MID1: variants seen among roughly 807,000 people sequenced by gnomAD.
MID1 encodes the protein midline 1, also known as E3 ubiquitin-protein ligase Midline-1.
A neutral mutation model predicts 40.4 loss-of-function variants in MID1; 7 were observed. The ratio of observed to expected loss-of-function variants is 0.17; its 90% CI spans 0.10 to 0.33. The LOEUF is 0.33. MID1 is among the 10% of genes least tolerant of loss of function. The probability of loss-of-function intolerance (pLI) is 1.00; values close to 1 mark genes in which losing one functional copy is unlikely to be tolerated. For missense variants in MID1, 367 were observed against 558.5 expected (o/e 0.66, Z 3.46); for synonymous variants, 229 against 221.2 (o/e 1.04, Z -0.31).
intron 3 of MID1, among the ~76,000 whole-genome samples, chrX:10,518,479 T>C (rs1400411730): frequency 1.8e-5 from 2 of 111,077 alleles, no homozygotes; most frequent in African/African-American, 3.3e-5. Context: ...TTCCCCCTAC[T>C]ACCCCCTTCC....
intron 7 of MID1, among the ~76,000 whole-genome samples, chrX:10,467,966 C>T (rs906254559): frequency 5.4e-5 from 6 of 111,369 alleles, no homozygotes; most frequent in Non-Finnish European, 1.1e-4. Context: ...CATAGCTGTC[C>T]GGTACAGCCT....
At chrX:10,543,379 T>C (rs1429404408) in intron 2 of MID1, among the ~76,000 whole-genome samples, 2 of 112,005 alleles carry the variant, frequency 1.8e-5, no homozygotes, top group Non-Finnish European at 3.8e-5. Context: ...ATAGTAACAA[T>C]GAGAATAGCA....
intron 1 of MID1, among the ~76,000 whole-genome samples, chrX:10,573,118 A>C (rs1934783439): frequency 8.9e-6 from 1 of 112,529 alleles, no homozygotes; most frequent in Admixed American, 9.4e-5. Flanking sequence ...TTATAGATTC[A>C]AGACTTATGA....
chrX:10,534,556 T>G (rs1933168527), intron 2 of MID1, among the ~76,000 whole-genome samples: 1 of 111,912 alleles, frequency 8.9e-6, no homozygotes, highest in Non-Finnish European at 1.9e-5. Flanking sequence ...CTTCTGAATT[T>G]TTTAGGTTTT....
chrX:10,765,947 GAAAGAAAGAAA>G (rs1478504751), intron 1 of MID1, among the ~76,000 whole-genome samples: 96 of 11,672 alleles, frequency 8.2e-3, no homozygotes, highest in Non-Finnish European at 0.021. Context: ...GGAAAGGAAA[GAAAGAAAGAAA>G]GAAAGAAAGA....
chrX:10,477,140 G>A (rs2070349527), intron 5 of MID1, among the ~76,000 whole-genome samples: 2 of 112,404 alleles, frequency 1.8e-5, no homozygotes, highest in African/African-American at 6.5e-5. Flanking sequence ...ATGTCTGGCA[G>A]GGAGAACTGT....
At chrX:10,635,023 A>G (rs142974598) in intron 1 of MID1, among the ~76,000 whole-genome samples, 2 of 112,510 alleles carry the variant, frequency 1.8e-5, no homozygotes, top group African/African-American at 6.5e-5. Flanking sequence ...CAGGAAGTCG[A>G]CTGTCAGGCA....
At chrX:10,809,455 G>A (rs1463236599) in intron 1 of MID1, among the ~76,000 whole-genome samples, 2 of 111,628 alleles carry the variant, frequency 1.8e-5, no homozygotes, top group East Asian at 2.8e-4. Flanking sequence ...TATAAATCAT[G>A]CTGCTATAAA....
chrX:10,825,992 G>GGGAA lies in MID1; in HGVS notation c.-187+7558_-187+7561dup, dbSNP rs2044213816. 4.5e-5 allele frequency among the ~76,000 whole-genome samples: 5 copies of GGGAA among 111,104 alleles called. No homozygotes were observed. In the South Asian group the frequency reaches 1.9e-3, roughly 43 times the overall value. On this transcript the variant is annotated intron_variant, in intron 1 of 10. Coordinates refer to the MID1 transcript ENST00000380785. ...GTTTATGACCTAATTTTTAAAGATG[G>GGGAA]GGAAGATGAGATTCAGAGAAACTTA...
chrX:10,567,271 C>T lies in MID1; in HGVS notation c.277G>A (p.Gly93Arg), dbSNP rs747187740. ...CGGGTCTCGCTGGGAGAGTTGGGCC[C>T]GCTCACTGATGCTTTCTGGAACCTG... ...IDRFQKASVS[G>R]PNSPSETRRE... The change falls in exon 2 of 10, where the codon GGG becomes AGG. Residue 93 changes from glycine (G) to arginine (R), a missense_variant. Gly to Arg is a moderately radical substitution (Grantham distance 125, BLOSUM62 -2). Transcript: ENST00000317552. 30 of 1,202,364 alleles carry T rather than the reference C, an allele frequency of 2.5e-5. No homozygotes were observed. Among genetic ancestry groups the T allele is most frequent in the East Asian group, 1.5e-4 (5 of 33,630 alleles).
At chrX:10,476,334 A>G (rs1232998502) in intron 5 of MID1, among the ~76,000 whole-genome samples, 1 of 110,594 alleles carries the variant, frequency 9.0e-6, no homozygotes, top group Non-Finnish European at 1.9e-5. Flanking sequence ...CCTAAATGCC[A>G]CTGAATCGTG....
intron 1 of MID1, among the ~76,000 whole-genome samples, chrX:10,569,960 T>C (rs1934675241): frequency 8.9e-6 from 1 of 111,989 alleles, no homozygotes; most frequent in African/African-American, 3.3e-5. Flanking sequence ...TCTTGGCTTC[T>C]GTTCACTCCT....
chrX:10,653,518 A>G (rs1936339015), intron 1 of MID1, among the ~76,000 whole-genome samples: 1 of 112,661 alleles, frequency 8.9e-6, no homozygotes, highest in Non-Finnish European at 1.9e-5. Flanking sequence ...ATTTCTCAGA[A>G]AACATCTGCT....
intron 1 of MID1, among the ~76,000 whole-genome samples, chrX:10,789,943 C>T (rs1293608155): frequency 9.0e-6 from 1 of 110,837 alleles, no homozygotes; most frequent in African/African-American, 3.3e-5. Flanking sequence ...AACTACATGG[C>T]ATCGATGACC....
chrX:10,583,799 G>A (rs1935072678), intron 1 of MID1, among the ~76,000 whole-genome samples: 1 of 111,323 alleles, frequency 9.0e-6, no homozygotes, highest in Non-Finnish European at 1.9e-5. Flanking sequence ...TTGGGAGGCT[G>A]AGGCGGGTGG....
At chrX:10,625,730 A>C (rs1377893146) in intron 1 of MID1, among the ~76,000 whole-genome samples, 1 of 112,102 alleles carries the variant, frequency 8.9e-6, no homozygotes, top group Non-Finnish European at 1.9e-5. Flanking sequence ...AATATAATGC[A>C]ATTGTTTTCA....
intron 3 of MID1, among the ~76,000 whole-genome samples, chrX:10,514,466 A>C (rs1376434894): frequency 8.9e-6 from 1 of 112,058 alleles, no homozygotes; most frequent in Non-Finnish European, 1.9e-5. Context: ...AAATTTTTCT[A>C]AGTCAAGGGC....
Position 10,640,692 on chromosome X carries a change from C to T in MID1, c.-186-20273G>A, listed in dbSNP as rs1346547343. 2.7e-5 allele frequency among the ~76,000 whole-genome samples: 3 copies of T among 111,278 alleles called. No individual in the cohort carries two copies. In the South Asian group the frequency reaches 1.1e-3, roughly 43 times the overall value. On this transcript the variant is annotated intron_variant, in intron 1 of 10. Transcript: ENST00000380785. ...AATAGACATCTACAGAACTCTCCAC[C>T]CCAAATCAACAGAATATACATTCTT...
chrX:10,678,821 T>C (rs2043039902), intron 1 of MID1, among the ~76,000 whole-genome samples: 1 of 112,248 alleles, frequency 8.9e-6, no homozygotes, highest in Admixed American at 9.5e-5. Flanking sequence ...AAATTAAAAC[T>C]ACACCGAAGT....
Sources: allele counts gnomAD v4.1 joint callset (sites outside exome capture counted in the v4.1 genomes callset), GRCh38; gene constraint gnomAD v4.1.1; transcripts MANE v1.5; gene names NCBI Gene and HGNC (gene_info 2026-07-23, HGNC 2026-07-21).